The following CNTNAP2 variants were observed in gnomAD, a reference collection of about 807,000 sequenced individuals.
CNTNAP2 encodes the protein contactin associated protein 2, also known as contactin-associated protein-like 2.
A neutral mutation model predicts 155.2 loss-of-function variants in CNTNAP2; 98 were observed. The observed-to-expected ratio is 0.63, with a 90% CI of 0.54 to 0.75. The LOEUF (loss-of-function observed/expected upper bound fraction) is 0.75. Among genes scored for constraint, CNTNAP2 ranks in the 30% least tolerant of loss-of-function variants. The pLI is 0.00. For missense variants in CNTNAP2, 1,727 were observed against 1,688.1 expected, an observed-to-expected ratio of 1.02 and a Z score of -0.40; for synonymous variants, 651 against 631.2, an observed-to-expected ratio of 1.03 and a Z score of -0.47.
At chr7:147,270,866 T>C (rs558183156) in intron 8 of CNTNAP2, among the ~76,000 whole-genome samples, 1 of 152,322 alleles carries the variant, frequency 6.6e-6, no homozygotes, top group South Asian at 2.1e-4. Context: ...CATTTGCCAT[T>C]AGGACGACTG....
intron 13 of CNTNAP2, among the ~76,000 whole-genome samples, chr7:147,735,504 T>A (rs1232115974): frequency 3.9e-5 from 6 of 152,150 alleles, no homozygotes; most frequent in Non-Finnish European, 7.4e-5. Context: ...TTCTGTTGAT[T>A]TGGGGTGGAG....
intron 1 of CNTNAP2, among the ~76,000 whole-genome samples, chr7:146,554,419 C>T (rs377549507): frequency 2.0e-5 from 3 of 152,122 alleles, no homozygotes; most frequent in Non-Finnish European, 4.4e-5. Flanking sequence ...TTTTTGGTAA[C>T]TATTTTTTTG....
rs569566540 is a variant in CNTNAP2, at chr7:148,146,362, A to G, written c.2555-1129A>G. Among the ~76,000 whole-genome samples the G allele has an allele frequency of 1.8e-3, 271 of 152,294 alleles. 1 individual carries two copies. Among genetic ancestry groups the G allele is most frequent in the African/African-American group, 5.8e-3 (240 of 41,578 alleles). On this transcript the variant is annotated intron_variant, in intron 16 of 23. Coordinates refer to ENST00000361727, the MANE Select transcript of CNTNAP2 (RefSeq NM_014141.6). ...TCAGCCTGAGGCTGCCTCTCCTGTC[A>G]ATCACAAGAAAAAATATACATTTAA...
At position 148,287,299 on chromosome 7, in the gene CNTNAP2, A is replaced by G. The variant is rs143451382; in HGVS notation, c.3475+20173A>G. 2.6e-3 allele frequency among the ~76,000 whole-genome samples: 399 copies of G among 152,310 alleles called. 1 individual carries two copies. The highest frequency in any genetic ancestry group is 4.5e-3 in the Non-Finnish European group (306 of 68,038). On this transcript the variant is annotated intron_variant, in intron 21 of 23. Coordinates refer to ENST00000361727, the MANE Select transcript of CNTNAP2 (RefSeq NM_014141.6). Reference sequence around the variant, plus strand: ...AATAATATTTCAGCCTTATTTTTGTAAGGAAAAAATCAAATCAAGAAACTA... The same window carrying G: ...AATAATATTTCAGCCTTATTTTTGTGAGGAAAAAATCAAATCAAGAAACTA...
At position 147,797,214 on chromosome 7, in the gene CNTNAP2, TA is replaced by T. The variant is rs895790289; in HGVS notation, c.2099-106343del. Reference sequence around the variant, plus strand: ...AATTTCACCTACATGGTTACCTTTGTAAAAAAAACTATCTGAGACACCTGTG... The same window carrying T: ...AATTTCACCTACATGGTTACCTTTGTAAAAAAACTATCTGAGACACCTGTG... On this transcript the variant is annotated intron_variant, in intron 13 of 23. Transcript: ENST00000361727. 1.1e-4 allele frequency among the ~76,000 whole-genome samples: 17 copies of T among 152,094 alleles called. No homozygotes were observed. In the South Asian group the frequency reaches 3.5e-3, roughly 32 times the overall value.
At chr7:147,714,607 A>G (rs1234295198) in intron 13 of CNTNAP2, among the ~76,000 whole-genome samples, 1 of 152,028 alleles carries the variant, frequency 6.6e-6, no homozygotes, top group African/African-American at 2.4e-5. Flanking sequence ...GTTTTTAGGG[A>G]AAAGGAATTG....
chr7:148,026,534 C>A (rs550121949), intron 15 of CNTNAP2, among the ~76,000 whole-genome samples: 1 of 152,096 alleles, frequency 6.6e-6, no homozygotes, highest in African/African-American at 2.4e-5. Context: ...TGAGACACAA[C>A]CTGAGTATTA....
chr7:148,363,882 T>C (rs1461802089), intron 21 of CNTNAP2, among the ~76,000 whole-genome samples: 1 of 149,530 alleles, frequency 6.7e-6, no homozygotes, highest in Non-Finnish European at 1.5e-5. Context: ...GGGCGTGGGC[T>C]TGGTGGGCCC....
chr7:146,976,081 T>A (rs932707235), intron 3 of CNTNAP2, among the ~76,000 whole-genome samples: 1 of 152,096 alleles, frequency 6.6e-6, no homozygotes, highest in African/African-American at 2.4e-5. Flanking sequence ...AAAATACAAT[T>A]TGAAATATGG....
At chr7:148,371,975 C>T (rs926588427) in intron 21 of CNTNAP2, among the ~76,000 whole-genome samples, 65 of 152,032 alleles carry the variant, frequency 4.3e-4, no homozygotes, top group South Asian at 1.0e-3. Context: ...CCGAGGCAGG[C>T]GGATCACAAG....
intron 11 of CNTNAP2, among the ~76,000 whole-genome samples, chr7:147,531,648 G>A (rs1291116287): frequency 1.3e-5 from 2 of 152,128 alleles, no homozygotes; most frequent in African/African-American, 4.8e-5. Flanking sequence ...TTCCTCATGG[G>A]CCTCCAGGCC....
intron 8 of CNTNAP2, among the ~76,000 whole-genome samples, chr7:147,280,826 C>A (rs1805018042): frequency 6.6e-6 from 1 of 151,888 alleles, no homozygotes; most frequent in South Asian, 2.1e-4. Context: ...GTAAGATATC[C>A]TTTTCATTGT....
chr7:146,770,582 TC>T (rs907249485), intron 1 of CNTNAP2, among the ~76,000 whole-genome samples: 4 of 151,960 alleles, frequency 2.6e-5, no homozygotes, highest in African/African-American at 7.2e-5. Flanking sequence ...TTGGCCCTGA[TC>T]TTTACTAAGC....
At chr7:146,873,538 T>C (rs554070591) in intron 3 of CNTNAP2, among the ~76,000 whole-genome samples, 2 of 152,238 alleles carry the variant, frequency 1.3e-5, no homozygotes, top group East Asian at 1.9e-4. Context: ...GTGCATGCGA[T>C]TCAGAGGCTG....
chr7:146,266,016 G>A (rs1189567841), intron 1 of CNTNAP2, among the ~76,000 whole-genome samples: 1 of 151,956 alleles, frequency 6.6e-6, no homozygotes, highest in East Asian at 1.9e-4. Flanking sequence ...AGCTATTAAA[G>A]TTCTATGGGT....
chr7:147,336,544 T>G (rs4726843), intron 9 of CNTNAP2, among the ~76,000 whole-genome samples: 24,884 of 152,124 alleles, frequency 0.16, 2,353 homozygotes, highest in East Asian at 0.35. Flanking sequence ...TCAAGAGAAA[T>G]TATTTACCAT....
intron 9 of CNTNAP2, 149 bp downstream of exon 9, chr7:147,300,439 AAAAG>A (rs1164611770): frequency 9.0e-6 from 8 of 891,552 alleles, no homozygotes; most frequent in Non-Finnish European, 1.4e-5. Flanking sequence ...GCAAAACAAA[AAAAG>A]AAAAGGAAAA....
intron 1 of CNTNAP2, among the ~76,000 whole-genome samples, chr7:146,433,528 G>A (rs1447851238): frequency 6.6e-6 from 1 of 152,090 alleles, no homozygotes; most frequent in Non-Finnish European, 1.5e-5. Context: ...AAATATGTGT[G>A]TACATATATA....
intron 9 of CNTNAP2, among the ~76,000 whole-genome samples, chr7:147,353,137 G>A (rs968427025): frequency 1.3e-4 from 19 of 150,522 alleles, no homozygotes; most frequent in South Asian, 4.2e-4. Flanking sequence ...ATACATATAC[G>A]TATATGTACA....
Sources: gnomAD v4.1 joint callset for allele counts (sites outside exome capture counted in the v4.1 genomes callset) on GRCh38, gnomAD v4.1.1 for gene constraint, MANE v1.5 for transcripts, NCBI Gene and HGNC (gene_info 2026-07-23, HGNC 2026-07-21) for gene names.